RNF152: variants seen among roughly 807,000 people sequenced by gnomAD.
RNF152 encodes the protein E3 ubiquitin-protein ligase RNF152.
A neutral mutation model predicts 12.7 loss-of-function variants in RNF152; 11 were observed. That is an observed-to-expected ratio of 0.86 (90% CI 0.54 to 1.43). The LOEUF (loss-of-function observed/expected upper bound fraction) is 1.43, where lower values mean the gene tolerates loss of function less well. Ranked by LOEUF, RNF152 falls within the 40% of genes most tolerant of loss-of-function variation. The pLI, the probability that RNF152 is intolerant of heterozygous loss-of-function variation, is 0.00. For synonymous variants in RNF152, 113 were observed against 120.3 expected (o/e 0.94, Z 0.40); for missense variants, 255 against 274.8 (o/e 0.93, Z 0.51).
At chr18:61,887,688 T>A (rs28563112) in intron 1 of RNF152, among the ~76,000 whole-genome samples, 19 of 146,310 alleles carry the variant, frequency 1.3e-4, no homozygotes, top group African/African-American at 4.6e-4. Context: ...GGTGACAGAG[T>A]GAGACTCCAT....
intron 1 of RNF152, among the ~76,000 whole-genome samples, chr18:61,867,962 T>C (rs189150964): frequency 1.9e-4 from 29 of 152,310 alleles, no homozygotes; most frequent in Admixed American, 5.9e-4. Flanking sequence ...ATATGCTAGC[T>C]AACACAAACA....
chr18:61,879,894 G>A (rs558410597), intron 1 of RNF152, among the ~76,000 whole-genome samples: 3 of 151,906 alleles, frequency 2.0e-5, no homozygotes, highest in African/African-American at 7.2e-5. Flanking sequence ...GAACCCAGGA[G>A]GCAGAGGTTG....
intron 1 of RNF152, among the ~76,000 whole-genome samples, chr18:61,881,337 G>C (rs1325109041): frequency 6.6e-6 from 1 of 152,148 alleles, no homozygotes; most frequent in Non-Finnish European, 1.5e-5. Context: ...CCTCATAAAA[G>C]GAAGAAATTT....
chr18:61,864,309 C>T (rs1210837525), intron 1 of RNF152, among the ~76,000 whole-genome samples: 1 of 152,210 alleles, frequency 6.6e-6, no homozygotes, highest in African/African-American at 2.4e-5. Context: ...GGTTTAGTAA[C>T]TTGTGAGAAC....
At chr18:61,830,470 G>A (rs1046592022) in intron 1 of RNF152, among the ~76,000 whole-genome samples, 3 of 152,172 alleles carry the variant, frequency 2.0e-5, no homozygotes, top group Admixed American at 6.5e-5. Context: ...ATAAGAGTGG[G>A]ATTGTACACT....
At chr18:61,852,443 C>A (rs1263327004) in intron 1 of RNF152, among the ~76,000 whole-genome samples, 1 of 152,152 alleles carries the variant, frequency 6.6e-6, no homozygotes, top group African/African-American at 2.4e-5. Flanking sequence ...GTATTTCCTG[C>A]CACAATTACA....
chr18:61,850,130 C>A (rs561481282), intron 1 of RNF152, among the ~76,000 whole-genome samples: 1 of 152,176 alleles, frequency 6.6e-6, no homozygotes, highest in African/African-American at 2.4e-5. Flanking sequence ...TGAAAAGACA[C>A]GAGTCTGGAA....
chr18:61,829,251 G>T (rs1166672667), intron 1 of RNF152, among the ~76,000 whole-genome samples: 1 of 152,160 alleles, frequency 6.6e-6, no homozygotes, highest in Non-Finnish European at 1.5e-5. Context: ...GGCACAGCCT[G>T]GACGACTGGC....
chr18:61,873,874 A>C (rs1229420998), intron 1 of RNF152, among the ~76,000 whole-genome samples: 1 of 152,204 alleles, frequency 6.6e-6, no homozygotes, highest in Non-Finnish European at 1.5e-5. Flanking sequence ...GATCTTAGCT[A>C]ATCGGTACTA....
intron 1 of RNF152, among the ~76,000 whole-genome samples, chr18:61,881,907 C>T (rs1328547228): frequency 2.6e-5 from 4 of 152,110 alleles, no homozygotes; most frequent in Non-Finnish European, 4.4e-5. Context: ...TGTGGACTGC[C>T]TTGAGATGCA....
chr18:61,816,089 G>T lies in RNF152; in HGVS notation c.375C>A (p.Ser125Arg). 6.2e-7 allele frequency: 1 copy of T among 1,614,214 alleles called. No individual in the cohort carries two copies. The highest frequency in any genetic ancestry group is 1.3e-5 in the African/African-American group (1 of 75,066). Residue 125 changes from serine (S) to arginine (R), a missense_variant, in exon 2 of 2, where the codon AGC (serine) becomes AGA (arginine). Physicochemically the swap from Ser to Arg is moderately radical, Grantham distance 110 (BLOSUM62 -1). Coordinates refer to ENST00000312828, the MANE Select transcript of RNF152 (RefSeq NM_173557.3). ...GDMGCRLLPGSQQKSVTVVTI... is the reference protein window; with the variant it reads ...GDMGCRLLPGRQQKSVTVVTI... ...TCACCACGGTGACGGACTTCTGCTGGCTCCCGGGCAGCAGGCGGCAGCCCA... is the reference window on the plus strand; with the variant it reads ...TCACCACGGTGACGGACTTCTGCTGTCTCCCGGGCAGCAGGCGGCAGCCCA...
chr18:61,881,916 C>A lies in RNF152; in HGVS notation c.-136+10879G>T, dbSNP rs118109648. On this transcript the variant is annotated intron_variant, in intron 1 of 1. Transcript: ENST00000312828. ...GGACAGTGTGGACTGCCTTGAGATGCAATTCTTAAATAACTTATTGTTTTG... is the reference window on the plus strand; with the variant it reads ...GGACAGTGTGGACTGCCTTGAGATGAAATTCTTAAATAACTTATTGTTTTG... Among the ~76,000 whole-genome samples, 1,197 of 152,256 alleles carry A rather than the reference C, an allele frequency of 7.9e-3. 11 individuals carry two copies. The highest frequency in any genetic ancestry group is 0.013 in the Non-Finnish European group (893 of 68,006).
Position 61,816,013 on chromosome 18 carries a change from C to T in RNF152, c.451G>A (p.Val151Met), listed in dbSNP as rs1416949669. ...CCCCGCCTGTCCTGCTCCTCCTCCA[C>T]CGCCTCCTGGGGAGCCCCACCTTGC... ...PLQGGAPQEA[V>M]EEEQDRRGVV... Residue 151 changes from valine to methionine, a missense_variant, in exon 2 of 2, where the codon GTG (valine) becomes ATG (methionine). Coordinates refer to ENST00000312828, the MANE Select transcript of RNF152 (RefSeq NM_173557.3). The T allele has an allele frequency of 6.2e-7, 1 of 1,614,124 alleles. No individual in the cohort carries two copies. Among genetic ancestry groups the T allele is most frequent in the African/African-American group, 1.3e-5 (1 of 74,958 alleles).
intron 1 of RNF152, among the ~76,000 whole-genome samples, chr18:61,881,662 A>G (rs945176384): frequency 2.0e-5 from 3 of 152,228 alleles, no homozygotes. Context: ...TGTCTTCCTA[A>G]TTTATAAGGA....
chr18:61,889,389 C>T (rs1228740952), intron 1 of RNF152, among the ~76,000 whole-genome samples: 1 of 152,192 alleles, frequency 6.6e-6, no homozygotes, highest in Non-Finnish European at 1.5e-5. Flanking sequence ...ATGGCTCACC[C>T]GTGCATGCCG....
At chr18:61,877,300 G>C (rs1276661110) in intron 1 of RNF152, among the ~76,000 whole-genome samples, 2 of 152,230 alleles carry the variant, frequency 1.3e-5, no homozygotes, top group African/African-American at 4.8e-5. Context: ...TGATAAGCAA[G>C]TTCTTGGGTT....
At position 61,820,152 on chromosome 18, in the gene RNF152, A is replaced by AC. The variant is rs573907295; in HGVS notation, c.-135-3555dup. On this transcript the variant is annotated intron_variant, in intron 1 of 1. Transcript: ENST00000312828. ...AGACCATCCTGGCTAATATGGTGAA[A>AC]CCCCGTCTCTACTAAAAATACAAAA... is the stretch of plus-strand genomic sequence containing the variant. Among the ~76,000 whole-genome samples, 59 of 150,732 alleles carry AC rather than the reference A, an allele frequency of 3.9e-4. 1 individual carries two copies. Among genetic ancestry groups the AC allele is most frequent in the African/African-American group, 1.4e-3 (57 of 41,062 alleles).
chr18:61,812,834 C>T lies in RNF152; in HGVS notation c.*3018G>A, dbSNP rs1450803925. 6.6e-6 allele frequency: 1 copy of T among 150,390 alleles called. No homozygotes were observed. The highest frequency in any genetic ancestry group is 2.5e-5 in the African/African-American group (1 of 40,534). 9.3% of individuals were successfully genotyped at this position (150,390 alleles called of 1,614,324 possible). A position where few individuals can be genotyped will look rare whatever the true frequency, so the allele number is the denominator to read the frequency against. On this transcript the variant is annotated 3_prime_UTR_variant, in exon 2 of 2. Coordinates refer to ENST00000312828, the MANE Select transcript of RNF152 (RefSeq NM_173557.3). The stretch of plus-strand genomic sequence containing the variant: ...ATTTTCCCAGAGAGGTAGATGCTAA[C>T]TAAAATGAGTACATAAACCTACAAA...
intron 1 of RNF152, among the ~76,000 whole-genome samples, chr18:61,879,191 G>A (rs78481452): frequency 1.3e-5 from 2 of 152,290 alleles, no homozygotes; most frequent in East Asian, 3.9e-4. Context: ...CTCCGAATGT[G>A]CACAGACTTC....
Sources: gnomAD v4.1 joint callset for allele counts (sites outside exome capture counted in the v4.1 genomes callset) on GRCh38, gnomAD v4.1.1 for gene constraint, MANE v1.5 for transcripts, NCBI Gene and HGNC (gene_info 2026-07-23, HGNC 2026-07-21) for gene names.